The following SYP variants were observed in gnomAD, a reference collection of about 807,000 sequenced individuals.
SYP encodes the protein major synaptic vesicle protein P38.
SYP carries 2 observed loss-of-function variants against 24.3 expected under a neutral mutation model. That is an observed-to-expected ratio of 0.08 (90% CI 0.03 to 0.26). The LOEUF is 0.26. Among genes scored for constraint, SYP ranks in the 10% least tolerant of loss-of-function variants. The pLI, the probability that SYP is intolerant of heterozygous loss-of-function variation, is 1.00. For missense variants in SYP, 216 were observed against 266.3 expected (o/e 0.81, Z 1.32); for synonymous variants, 143 against 123.2 (o/e 1.16, Z -1.07).
intron 3 of SYP, chrX:49,197,035 T>C (rs1490601002): frequency 1.9e-5 from 2 of 107,720 alleles, no homozygotes; most frequent in Admixed American, 9.8e-5. Context: ...AGTTTCGCTC[T>C]TGTTGCCCAG....
At chrX:49,194,053 T>C in intron 4 of SYP, 113 bp downstream of exon 4, 3 of 868,137 alleles carry the variant, frequency 3.5e-6, no homozygotes, top group Non-Finnish European at 5.0e-6. Context: ...GCTGTTATGG[T>C]GGCTGTTTGC....
intron 3 of SYP, 30 bp downstream of exon 3, chrX:49,197,685 G>A (rs782278208): frequency 8.3e-7 from 1 of 1,203,631 alleles, no homozygotes; most frequent in South Asian, 1.8e-5. Flanking sequence ...CCTCTCCCAG[G>A]TCTGTTGGTA....
At chrX:49,195,319 A>T (rs1441201446) in intron 3 of SYP, among the ~76,000 whole-genome samples, 6 of 110,704 alleles carry the variant, frequency 5.4e-5, no homozygotes, top group Non-Finnish European at 9.4e-5. Flanking sequence ...AATGAAATGT[A>T]CAGAGGCGGA....
At chrX:49,196,442 C>G (rs2065528513) in intron 3 of SYP, among the ~76,000 whole-genome samples, 1 of 112,016 alleles carries the variant, frequency 8.9e-6, no homozygotes, top group African/African-American at 3.2e-5. Context: ...CCAACTCAAC[C>G]CCTGTCCTCT....
At chrX:49,194,440 T>C (rs2065521373) in intron 3 of SYP, 79 bp from the exon 4 acceptor site, 6 of 1,007,032 alleles carry the variant, frequency 6.0e-6, no homozygotes, top group Non-Finnish European at 8.3e-6. Flanking sequence ...GGTCCCCCCA[T>C]TTCTGACAAG....
At chrX:49,193,564 C>G in intron 4 of SYP, 101 bp from the exon 5 acceptor site, 2 of 939,287 alleles carry the variant, frequency 2.1e-6, no homozygotes, top group Non-Finnish European at 3.0e-6. Context: ...AGAGGCCTGT[C>G]TCTCCCCTGC....
At chrX:49,197,980 A>G in intron 2 of SYP, 141 bp from the exon 3 acceptor site, 5 of 782,529 alleles carry the variant, frequency 6.4e-6, no homozygotes, top group Non-Finnish European at 9.4e-6. Flanking sequence ...ATCAGGGCTC[A>G]TCGGGACCAA....
At position 49,199,016 on chromosome X, in the gene SYP, C is replaced by G. The variant is rs781815856; in HGVS notation, c.54G>C (p.Gln18His). Reference sequence around the variant, plus strand: ...CGAGGGGCTCCTTGACCACCCGGAACTGACCCCCAGCCACCAGCTGAGGAG... The same window carrying G: ...CGAGGGGCTCCTTGACCACCCGGAAGTGACCCCCAGCCACCAGCTGAGGAG... ...DVVNQLVAGG[Q>H]FRVVKEPLGF... Residue 18 changes from glutamine to histidine, a missense_variant, in exon 2 of 7, where the codon CAG becomes CAC. Gln to His is a conservative substitution (Grantham distance 24). This residue lies in a region of SYP where 102 missense variants were observed against 158.4 expected (regional missense o/e 0.64). Coordinates refer to ENST00000263233, the MANE Select transcript of SYP (RefSeq NM_003179.3). 4 of 1,209,653 alleles carry G rather than the reference C, an allele frequency of 3.3e-6. No homozygotes were observed. The Admixed American group carries it at 6.6e-5, about 20-fold the overall frequency.
chrX:49,191,793 C>G, intron 5 of SYP, 30 bp from the exon 6 acceptor site: 1 of 1,179,304 alleles, frequency 8.5e-7, no homozygotes, highest in Non-Finnish European at 1.1e-6. Flanking sequence ...GGCTGTGGTA[C>G]CCCGCCCATT....
At chrX:49,199,945 G>T (rs1557103771) in intron 1 of SYP, among the ~76,000 whole-genome samples, 1 of 111,051 alleles carries the variant, frequency 9.0e-6, no homozygotes, top group Non-Finnish European at 1.9e-5. Flanking sequence ...CAGTGAGGAC[G>T]GCCCTCGCTG....
chrX:49,193,213 C>T lies in SYP; in HGVS notation c.615+59G>A. 2.6e-6 allele frequency: 3 copies of T among 1,168,792 alleles called. No homozygotes were observed. The Admixed American group carries it at 6.8e-5, about 27-fold the overall frequency. On this transcript the variant is annotated intron_variant, in intron 5 of 6. Transcript: ENST00000263233. ...CTCTTATTCTCCCACTCCACCACTC[C>T]CCATGCCGGACTGTACTGTTTTCCA...
At chrX:49,198,799 T>C (rs2065538708) in intron 2 of SYP, 169 bp downstream of exon 2, 2 of 546,135 alleles carry the variant, frequency 3.7e-6, no homozygotes, top group Non-Finnish European at 3.1e-6. Context: ...AGCTCATCTG[T>C]TTTCTGGCTT....
At chrX:49,195,570 T>C (rs1163698961) in intron 3 of SYP, among the ~76,000 whole-genome samples, 2 of 110,149 alleles carry the variant, frequency 1.8e-5, no homozygotes, top group Non-Finnish European at 3.8e-5. Flanking sequence ...AGGGTGTGTG[T>C]ATGTGAGGGA....
At position 49,188,104 on chromosome X, in the gene SYP, A is replaced by T. The variant is rs1241563606; in HGVS notation, c.*1183T>A. ...GGGGAAGGGGGAAGAGGGGTGGGCC[A>T]GTCCCACAGACCCGTTGGTTCTGTC... On this transcript the variant is annotated 3_prime_UTR_variant, in exon 7 of 7. Coordinates refer to ENST00000263233, the MANE Select transcript of SYP (RefSeq NM_003179.3). 9.0e-6 allele frequency: 1 copy of T among 111,132 alleles called. No individual in the cohort carries two copies. Among genetic ancestry groups the T allele is most frequent in the Non-Finnish European group, 1.9e-5 (1 of 52,861 alleles). 9.2% of individuals were successfully genotyped at this position (111,132 alleles called of 1,213,427 possible). A position where few individuals can be genotyped will look rare whatever the true frequency, so the allele number is the denominator to read the frequency against.
rs2065533681 is a variant in SYP, at chrX:49,197,759, G to A, written c.183C>T (p.Thr61=). ...LQLSVDCANK[T]ESDLSIEVEF... ...CGACCTCGATGCTGAGGTCACTCTC[G>A]GTCTTGTTGGCACAATCCACGCTCA... The change falls in exon 3 of 7, where the codon ACC becomes ACT. Residue 61 remains threonine (T), a synonymous_variant. Coordinates refer to ENST00000263233, the MANE Select transcript of SYP (RefSeq NM_003179.3). 1.7e-6 allele frequency: 2 copies of A among 1,208,288 alleles called. No individual in the cohort carries two copies. The highest frequency in any genetic ancestry group is 2.2e-6 in the Non-Finnish European group (2 of 893,691).
At chrX:49,191,309 T>A in intron 6 of SYP, 124 bp downstream of exon 6, 1 of 830,320 alleles carries the variant, frequency 1.2e-6, no homozygotes, top group Non-Finnish European at 1.7e-6. Context: ...TCCTTCAAAC[T>A]TCAGTCCTTA....
chrX:49,198,018 G>C (rs1392491416), intron 2 of SYP, 179 bp from the exon 3 acceptor site: 7 of 522,716 alleles, frequency 1.3e-5, no homozygotes, highest in Non-Finnish European at 2.2e-5. Flanking sequence ...GGGTATGGCT[G>C]TCTCTTCCTG....
intron 6 of SYP, chrX:49,191,167 T>G: frequency 2.4e-6 from 1 of 412,640 alleles, no homozygotes; most frequent in East Asian, 4.1e-5. Context: ...CCCCCCGCCT[T>G]TCCGCCGAGT....
At chrX:49,191,251 TTAGC>T (rs1445908168) in intron 6 of SYP, 178 bp downstream of exon 6, 3 of 499,147 alleles carry the variant, frequency 6.0e-6, no homozygotes, top group Non-Finnish European at 1.0e-5. Flanking sequence ...TCTCCATTCA[TTAGC>T]TAGTTTTTCA....
Sources: allele counts gnomAD v4.1 joint callset (sites outside exome capture counted in the v4.1 genomes callset), GRCh38; gene constraint gnomAD v4.1.1; regional missense constraint gnomAD v4.1.1; transcripts MANE v1.5; gene names NCBI Gene and HGNC (gene_info 2026-07-23, HGNC 2026-07-21).